The following DLG2 variants were observed in gnomAD, a reference collection of about 807,000 sequenced individuals.
The protein encoded by DLG2 is discs large MAGUK scaffold protein 2, also known as disks large homolog 2.
A neutral mutation model predicts 132.5 loss-of-function variants in DLG2; 45 were observed. The observed-to-expected ratio is 0.34, with a 90% CI of 0.27 to 0.44. DLG2 has a LOEUF of 0.44. Ranked by LOEUF, DLG2 falls within the 20% of genes least tolerant of loss-of-function variation. The pLI is 1.00. For missense variants in DLG2, 1,045 were observed against 1,196.9 expected, an observed-to-expected ratio of 0.87 and a Z score of 1.87; for synonymous variants, 424 against 419.6, an observed-to-expected ratio of 1.01 and a Z score of -0.13.
intron 6 of DLG2, among the ~76,000 whole-genome samples, chr11:84,959,578 C>A (rs1381126642): frequency 6.6e-6 from 1 of 152,194 alleles, no homozygotes; most frequent in African/African-American, 2.4e-5. Flanking sequence ...AAGCTTAGCA[C>A]AGTGCCTACT....
chr11:85,508,187 A>G (rs556287425), intron 3 of DLG2, among the ~76,000 whole-genome samples: 1 of 152,222 alleles, frequency 6.6e-6, no homozygotes, highest in South Asian at 2.1e-4. Context: ...GTTATTACCA[A>G]TCATGTGAAG....
chr11:84,901,455 A>G (rs1393028801), intron 6 of DLG2, among the ~76,000 whole-genome samples: 2 of 152,120 alleles, frequency 1.3e-5, no homozygotes, highest in Non-Finnish European at 2.9e-5. Context: ...CACACATTCA[A>G]TATTCAATCA....
intron 7 of DLG2, among the ~76,000 whole-genome samples, chr11:84,285,116 C>A (rs934308888): frequency 1.3e-5 from 2 of 152,132 alleles, no homozygotes; most frequent in Admixed American, 6.6e-5. Flanking sequence ...AGATTTCTCT[C>A]CTAAATTGAA....
At chr11:85,200,310 G>A (rs2081371082) in intron 4 of DLG2, among the ~76,000 whole-genome samples, 1 of 152,224 alleles carries the variant, frequency 6.6e-6, no homozygotes, top group Non-Finnish European at 1.5e-5. Flanking sequence ...TCTTAGCAAA[G>A]AGGCTTGTCT....
intron 6 of DLG2, among the ~76,000 whole-genome samples, chr11:84,559,956 G>A (rs1161242363): frequency 6.6e-6 from 1 of 152,070 alleles, no homozygotes; most frequent in Admixed American, 6.6e-5. Context: ...TTATTTTGAT[G>A]AAGACCTACT....
chr11:85,144,843 T>A (rs982648747), intron 5 of DLG2, among the ~76,000 whole-genome samples: 3 of 152,064 alleles, frequency 2.0e-5, no homozygotes, highest in Non-Finnish European at 4.4e-5. Flanking sequence ...ATTCAAGATA[T>A]GAGTGGTTTA....
intron 18 of DLG2, among the ~76,000 whole-genome samples, chr11:83,639,456 A>G (rs2065794398): frequency 6.6e-6 from 1 of 152,134 alleles, no homozygotes; most frequent in African/African-American, 2.4e-5. Context: ...TGTTCTTTGC[A>G]GGGACATGGA....
rs1320625806 is a variant in DLG2, at chr11:85,219,626, C to G, written c.187-64975G>C. On this transcript the variant is annotated intron_variant, in intron 4 of 27. Transcript: ENST00000376104. ...GGAGATGCATCACTCTAATCTCTGA[C>G]ACTGTTATCAGGTGGCATTCTCCCT... 4.0e-5 allele frequency among the ~76,000 whole-genome samples: 6 copies of G among 151,258 alleles called. No individual in the cohort carries two copies. In the Admixed American group the frequency reaches 4.0e-4, roughly 10 times the overall value.
chr11:84,704,336 C>T (rs75789729), intron 6 of DLG2, among the ~76,000 whole-genome samples: 2,600 of 151,548 alleles, frequency 0.017, 73 homozygotes, highest in African/African-American at 0.059. Flanking sequence ...AAAGAAGAAA[C>T]AACATTTCAC....
At chr11:84,008,528 T>C (rs1323886528) in intron 11 of DLG2, among the ~76,000 whole-genome samples, 2 of 151,862 alleles carry the variant, frequency 1.3e-5, no homozygotes, top group East Asian at 3.9e-4. Flanking sequence ...TTCCAGAACA[T>C]TCCTCCCTTT....
At chr11:83,946,750 T>C (rs11233838) in intron 14 of DLG2, among the ~76,000 whole-genome samples, 11,647 of 152,070 alleles carry the variant, frequency 0.077, 612 homozygotes, top group Non-Finnish European at 0.12. Flanking sequence ...CACGTGCACA[T>C]ACACATAATT....
intron 6 of DLG2, among the ~76,000 whole-genome samples, chr11:84,628,354 C>T (rs1244949974): frequency 1.3e-5 from 2 of 152,200 alleles, no homozygotes; most frequent in Non-Finnish European, 2.9e-5. Context: ...AAGCACTACA[C>T]TGCATACTGG....
chr11:84,127,414 A>C (rs947439888), intron 9 of DLG2, among the ~76,000 whole-genome samples: 1 of 152,176 alleles, frequency 6.6e-6, no homozygotes, highest in Non-Finnish European at 1.5e-5. Context: ...TGCTCTAAAT[A>C]ATAATTTTAC....
In DLG2 at chr11:83,792,915, C is replaced by T. The variant is rs192879557; in HGVS notation, c.1723-6123G>A. Among the ~76,000 whole-genome samples, 672 of 152,202 alleles carry T rather than the reference C, an allele frequency of 4.4e-3. 6 individuals carry two copies. Among genetic ancestry groups the T allele is most frequent in the Non-Finnish European group, 5.8e-3 (394 of 67,950 alleles). On this transcript the variant is annotated intron_variant, in intron 17 of 27. Coordinates refer to ENST00000376104, the MANE Select transcript of DLG2 (RefSeq NM_001142699.3). The stretch of plus-strand genomic sequence containing the variant: ...AATTTATATGCCAACAAATAATATA[C>T]GATTTTCAACTTCCTCACACTCTTG...
chr11:85,563,664 T>C (rs2077376821), intron 3 of DLG2, among the ~76,000 whole-genome samples: 1 of 147,492 alleles, frequency 6.8e-6, no homozygotes, highest in Non-Finnish European at 1.5e-5. Context: ...CATTCCTTTT[T>C]ATTGCTGGAT....
intron 6 of DLG2, among the ~76,000 whole-genome samples, chr11:84,775,473 G>A (rs2070286347): frequency 6.6e-6 from 1 of 152,020 alleles, no homozygotes; most frequent in Non-Finnish European, 1.5e-5. Flanking sequence ...ACACATGTGT[G>A]TTCATTGCAG....
intron 6 of DLG2, among the ~76,000 whole-genome samples, chr11:84,631,527 C>T (rs1252141735): frequency 1.3e-5 from 2 of 152,032 alleles, no homozygotes; most frequent in African/African-American, 4.8e-5. Context: ...AATAAAGTGT[C>T]CTTATAGAGA....
intron 6 of DLG2, among the ~76,000 whole-genome samples, chr11:85,026,909 A>T (rs1348530539): frequency 6.6e-6 from 1 of 152,086 alleles, no homozygotes; most frequent in African/African-American, 2.4e-5. Context: ...ACTCTTACAA[A>T]TTTGTTTTAC....
At chr11:84,091,648 A>G (rs1202554496) in intron 10 of DLG2, among the ~76,000 whole-genome samples, 4 of 152,232 alleles carry the variant, frequency 2.6e-5, no homozygotes, top group African/African-American at 7.2e-5. Flanking sequence ...TTGTTGTTAC[A>G]TGACAATTTA....
Sources: gnomAD v4.1 joint callset for allele counts (sites outside exome capture counted in the v4.1 genomes callset) on GRCh38, gnomAD v4.1.1 for gene constraint, MANE v1.5 for transcripts, NCBI Gene and HGNC (gene_info 2026-07-23, HGNC 2026-07-21) for gene names.